The following GRID2 variants were observed in gnomAD, a reference collection of about 807,000 sequenced individuals.
GRID2 encodes glutamate receptor ionotropic, delta-2.
Under a neutral mutation model 114.8 loss-of-function variants are expected in GRID2, and 33 were observed. The ratio of observed to expected loss-of-function variants is 0.29; its 90% CI spans 0.22 to 0.38. GRID2 has a LOEUF of 0.38. GRID2 is among the 10% of genes least tolerant of loss of function. The probability of loss-of-function intolerance (pLI) is 1.00; values close to 1 mark genes in which losing one functional copy is unlikely to be tolerated. For synonymous variants in GRID2, 505 were observed against 449.9 expected (o/e 1.12, Z -1.55); for missense variants, 1,184 against 1,257.7 (o/e 0.94, Z 0.89).
intron 2 of GRID2, among the ~76,000 whole-genome samples, chr4:93,071,229 C>G (rs367578573): frequency 1.9e-4 from 29 of 152,170 alleles, no homozygotes; most frequent in African/African-American, 7.0e-4. Flanking sequence ...AAATGAGCTA[C>G]TAGGGCTAAC....
chr4:92,461,657 T>A (rs1721501488), intron 1 of GRID2, among the ~76,000 whole-genome samples: 1 of 152,066 alleles, frequency 6.6e-6, no homozygotes, highest in African/African-American at 2.4e-5. Flanking sequence ...ATACTTTCAT[T>A]TTCTTCCTGA....
intron 2 of GRID2, among the ~76,000 whole-genome samples, chr4:92,960,469 C>CTG (rs1209773309): frequency 6.6e-6 from 1 of 151,964 alleles, no homozygotes; most frequent in Non-Finnish European, 1.5e-5. Flanking sequence ...ATATTAAGGA[C>CTG]TGTCATGTCT....
chr4:92,427,448 T>C (rs1160525305), intron 1 of GRID2, among the ~76,000 whole-genome samples: 1 of 152,172 alleles, frequency 6.6e-6, no homozygotes, highest in Non-Finnish European at 1.5e-5. Context: ...GATAAAAAAC[T>C]GTTTTCTTGT....
intron 14 of GRID2, among the ~76,000 whole-genome samples, chr4:93,653,020 C>T (rs1219395105): frequency 1.3e-5 from 2 of 151,984 alleles, no homozygotes; most frequent in Non-Finnish European, 2.9e-5. Flanking sequence ...TGAGATTGAA[C>T]ATAAAAAGCT....
chr4:92,321,797 A>C (rs565813402), intron 1 of GRID2, among the ~76,000 whole-genome samples: 2 of 152,302 alleles, frequency 1.3e-5, no homozygotes, highest in South Asian at 4.1e-4. Context: ...AGAGTAGGAT[A>C]GAGTAGGAAA....
chr4:93,549,867 C>G (rs1313147076), intron 13 of GRID2, among the ~76,000 whole-genome samples: 2 of 152,144 alleles, frequency 1.3e-5, no homozygotes, highest in Non-Finnish European at 2.9e-5. Flanking sequence ...ATGTGGTAGA[C>G]TGAGAACAGG....
intron 1 of GRID2, among the ~76,000 whole-genome samples, chr4:92,415,391 T>A (rs747407606): frequency 2.0e-5 from 3 of 151,786 alleles, no homozygotes; most frequent in Non-Finnish European, 4.4e-5. Flanking sequence ...TCTTTAGTGG[T>A]GGTTTCTGAG....
chr4:93,187,394 G>A (rs1740533233), intron 4 of GRID2, among the ~76,000 whole-genome samples: 1 of 151,848 alleles, frequency 6.6e-6, no homozygotes. Flanking sequence ...TCTTGCCTCA[G>A]CCTCCCAAGT....
chr4:93,235,225 G>T (rs1746638987), intron 7 of GRID2, among the ~76,000 whole-genome samples: 1 of 152,032 alleles, frequency 6.6e-6, no homozygotes, highest in African/African-American at 2.4e-5. Context: ...GTGGATGGAT[G>T]AAATTAAAAC....
intron 14 of GRID2, among the ~76,000 whole-genome samples, chr4:93,693,108 C>T (rs1726710162): frequency 6.6e-6 from 1 of 152,082 alleles, no homozygotes; most frequent in Non-Finnish European, 1.5e-5. Context: ...TTTACTATTT[C>T]TTTTATCTAT....
At chr4:92,836,555 A>G (rs923278812) in intron 2 of GRID2, among the ~76,000 whole-genome samples, 1 of 152,104 alleles carries the variant, frequency 6.6e-6, no homozygotes, top group Non-Finnish European at 1.5e-5. Context: ...AAAACAGAAA[A>G]TATTTGCATT....
At chr4:92,943,225 G>T (rs1751317163) in intron 2 of GRID2, among the ~76,000 whole-genome samples, 1 of 152,054 alleles carries the variant, frequency 6.6e-6, no homozygotes, top group Non-Finnish European at 1.5e-5. Context: ...CATAGATTTG[G>T]TCTTTTCACA....
intron 2 of GRID2, among the ~76,000 whole-genome samples, chr4:92,930,460 G>T (rs2149519398): frequency 6.6e-6 from 1 of 151,046 alleles, no homozygotes; most frequent in South Asian, 2.1e-4. Flanking sequence ...GAATATACTT[G>T]CTATACTACC....
intron 14 of GRID2, among the ~76,000 whole-genome samples, chr4:93,670,321 C>T (rs1164885097): frequency 6.6e-6 from 1 of 152,116 alleles, no homozygotes; most frequent in Non-Finnish European, 1.5e-5. Flanking sequence ...AAATTTATAT[C>T]TCTTGGGATA....
At chr4:93,403,899 A>G (rs184150385) in intron 9 of GRID2, among the ~76,000 whole-genome samples, 90 of 152,268 alleles carry the variant, frequency 5.9e-4, no homozygotes, top group Middle Eastern at 3.4e-3. Context: ...AAATGAAAAC[A>G]TATGTCCATA....
At chr4:92,919,345 T>C (rs1749103120) in intron 2 of GRID2, among the ~76,000 whole-genome samples, 1 of 152,206 alleles carries the variant, frequency 6.6e-6, no homozygotes, top group African/African-American at 2.4e-5. Context: ...TTTGTGTCTC[T>C]ATTTCCTTCA....
At chr4:92,420,092 TAAAA>T (rs1280481758) in intron 1 of GRID2, among the ~76,000 whole-genome samples, 1 of 152,086 alleles carries the variant, frequency 6.6e-6, no homozygotes, top group Non-Finnish European at 1.5e-5. Context: ...GCACTTCTTT[TAAAA>T]AATTGGTTTC....
At chr4:92,604,300 A>T (rs2149222023) in intron 2 of GRID2, among the ~76,000 whole-genome samples, 1 of 152,342 alleles carries the variant, frequency 6.6e-6, no homozygotes, top group East Asian at 1.9e-4. Context: ...AATGACCGTC[A>T]ATGATAAACT....
chr4:93,185,060 A>G (rs1740278242), intron 4 of GRID2, among the ~76,000 whole-genome samples: 1 of 152,212 alleles, frequency 6.6e-6, no homozygotes, highest in Non-Finnish European at 1.5e-5. Flanking sequence ...AGTTAGTGTT[A>G]AGAAAATATT....
Sources: allele counts gnomAD v4.1 joint callset (sites outside exome capture counted in the v4.1 genomes callset), GRCh38; gene constraint gnomAD v4.1.1; transcripts MANE v1.5; gene names NCBI Gene and HGNC (gene_info 2026-07-23, HGNC 2026-07-21).